GRM7: variants seen among roughly 807,000 people sequenced by gnomAD.
The protein encoded by GRM7 is glutamate metabotropic receptor 7.
GRM7 carries 35 observed loss-of-function variants against 84.5 expected under a neutral mutation model. That is an observed-to-expected ratio of 0.41 (90% confidence interval 0.32 to 0.55). GRM7 has a LOEUF of 0.55. GRM7 is among the 20% of genes least tolerant of loss of function. The probability of loss-of-function intolerance (pLI) is 0.19; values close to 1 mark genes in which losing one functional copy is unlikely to be tolerated. For missense variants in GRM7, 1,003 were observed against 1,194.6 expected (o/e 0.84, Z 2.36); for synonymous variants, 487 against 455.1 (o/e 1.07, Z -0.89).
At chr3:6,964,483 C>G (rs193285635) in intron 1 of GRM7, among the ~76,000 whole-genome samples, 1 of 152,250 alleles carries the variant, frequency 6.6e-6, no homozygotes, top group East Asian at 1.9e-4. Flanking sequence ...TTCTTGCCCC[C>G]CATGGTGACT....
intron 9 of GRM7, among the ~76,000 whole-genome samples, chr3:7,701,702 T>G (rs1701236072): frequency 6.6e-6 from 1 of 152,100 alleles, no homozygotes; most frequent in South Asian, 2.1e-4. Flanking sequence ...AAACTCCCTG[T>G]GGATGGTCAG....
At chr3:7,539,295 C>T (rs568922347) in intron 7 of GRM7, among the ~76,000 whole-genome samples, 15 of 152,222 alleles carry the variant, frequency 9.9e-5, no homozygotes, top group African/African-American at 3.4e-4. Context: ...GAACAGCGTG[C>T]GTAATTCCAT....
At chr3:7,566,898 G>C (rs140138365) in intron 7 of GRM7, among the ~76,000 whole-genome samples, 27 of 152,222 alleles carry the variant, frequency 1.8e-4, no homozygotes, top group Non-Finnish European at 3.8e-4. Flanking sequence ...TTACTTTTGT[G>C]GCCAACTATT....
intron 1 of GRM7, among the ~76,000 whole-genome samples, chr3:6,951,454 T>A (rs1295192303): frequency 1.3e-5 from 2 of 152,200 alleles, no homozygotes; most frequent in Non-Finnish European, 2.9e-5. Flanking sequence ...ACTACTTTAG[T>A]GGTATTCTAC....
intron 8 of GRM7, among the ~76,000 whole-genome samples, chr3:7,591,891 T>C (rs1379422314): frequency 6.6e-6 from 1 of 152,164 alleles, no homozygotes; most frequent in Non-Finnish European, 1.5e-5. Context: ...AGAAAGTTGC[T>C]TATCAGGACC....
intron 7 of GRM7, among the ~76,000 whole-genome samples, chr3:7,521,037 T>C (rs1034578587): frequency 2.0e-5 from 3 of 152,222 alleles, no homozygotes; most frequent in Non-Finnish European, 2.9e-5. Flanking sequence ...CCAGGTTTTA[T>C]TGTTCCTAAT....
At chr3:6,978,408 T>G (rs1467824170) in intron 1 of GRM7, among the ~76,000 whole-genome samples, 1 of 152,092 alleles carries the variant, frequency 6.6e-6, no homozygotes, top group Non-Finnish European at 1.5e-5. Flanking sequence ...GTCACTTAGT[T>G]TGTGGTAATT....
Position 7,352,055 on chromosome 3 carries a change from CACCACACACACA to C in GRM7, c.1033+45404_1033+45415del, listed in dbSNP as rs1363430109. 5.8e-4 allele frequency among the ~76,000 whole-genome samples: 58 copies of C among 99,964 alleles called. 1 individual carries two copies. The highest frequency in any genetic ancestry group is 2.3e-3 in the African/African-American group (55 of 24,368). 65.6% of individuals were successfully genotyped at this position (99,964 alleles called of 152,430 possible). On this transcript the variant is annotated intron_variant, in intron 4 of 9. Transcript: ENST00000357716. ...TCTCTCTCTCTCACACACACACACA[CACCACACACACA>C]CACACACACACACACACACACACAC...
At chr3:7,042,669 A>AT (rs56953053) in intron 1 of GRM7, among the ~76,000 whole-genome samples, 38,290 of 151,938 alleles carry the variant, frequency 0.25, 5,225 homozygotes, top group African/African-American at 0.34. Flanking sequence ...TCTAAAAGTT[A>AT]TATTTTCATC....
intron 1 of GRM7, among the ~76,000 whole-genome samples, chr3:6,906,802 T>C (rs1004338117): frequency 2.0e-5 from 3 of 152,122 alleles, no homozygotes; most frequent in Middle Eastern, 3.4e-3. Context: ...ATCTCCAGGG[T>C]TGAAAAAAAA....
rs1699322778 is a variant in GRM7 at position 7,486,391 on chromosome 3, CTGT to C, written c.1515+24672_1515+24674del. The stretch of plus-strand genomic sequence containing the variant: ...TCAGCAAAACTGAGGACAAGTTTTG[CTGT>C]TGAGGCTTGGTCTCCAATGTGGCAG... On this transcript the variant is annotated intron_variant, in intron 7 of 9. Coordinates refer to ENST00000357716, the MANE Select transcript of GRM7 (RefSeq NM_000844.4). This position sits in a 1 kb window ranked among gnomAD's most constrained non-coding sequence, Gnocchi z 5.5. Among the ~76,000 whole-genome samples the C allele has an allele frequency of 6.6e-6, 1 of 152,114 alleles. No homozygotes were observed. The highest frequency in any genetic ancestry group is 2.4e-5 in the African/African-American group (1 of 41,416).
chr3:7,178,738 T>C (rs531160086), intron 2 of GRM7, among the ~76,000 whole-genome samples: 26 of 152,200 alleles, frequency 1.7e-4, no homozygotes, highest in African/African-American at 6.3e-4. Flanking sequence ...TCAGTAGTGA[T>C]AAACCAGATA....
chr3:7,490,327 T>C (rs992884355), intron 7 of GRM7, among the ~76,000 whole-genome samples: 2 of 152,140 alleles, frequency 1.3e-5, no homozygotes, highest in African/African-American at 4.8e-5. Flanking sequence ...AAATATGAGC[T>C]ACACACAAGA....
chr3:7,222,701 G>A (rs1478704263), intron 2 of GRM7, among the ~76,000 whole-genome samples: 1 of 152,158 alleles, frequency 6.6e-6, no homozygotes, highest in Non-Finnish European at 1.5e-5. Flanking sequence ...GTGATGGTTT[G>A]TGGCAGCAAG....
At chr3:7,256,248 A>G (rs1698194743) in intron 2 of GRM7, among the ~76,000 whole-genome samples, 1 of 152,222 alleles carries the variant, frequency 6.6e-6, no homozygotes, top group South Asian at 2.1e-4. Context: ...ATAAGTTTAT[A>G]GTTTCCCCTA....
At chr3:7,488,586 C>T (rs952116842) in intron 7 of GRM7, among the ~76,000 whole-genome samples, 19 of 152,250 alleles carry the variant, frequency 1.2e-4, no homozygotes, top group Middle Eastern at 3.4e-3. Context: ...CTTCATCTTC[C>T]GCTTCTCCAT....
chr3:6,893,342 A>C (rs1696044173), intron 1 of GRM7, among the ~76,000 whole-genome samples: 1 of 152,188 alleles, frequency 6.6e-6, no homozygotes, highest in African/African-American at 2.4e-5. Context: ...ATATTAATAT[A>C]AAGTAAATTA....
In GRM7 at chr3:7,343,710, A is replaced by T. The variant is rs574680434; in HGVS notation, c.1033+37058A>T. 3.3e-5 allele frequency among the ~76,000 whole-genome samples: 5 copies of T among 152,280 alleles called. No homozygotes were observed. The East Asian group carries it at 9.7e-4, about 29-fold the overall frequency. On this transcript the variant is annotated intron_variant, in intron 4 of 9. Transcript: ENST00000357716. Reference sequence around the variant, plus strand: ...AACACAATGCTTCTTTTTTAGAAATACTGAGAAAGCTTTGAATTAATTGTG... The same window carrying T: ...AACACAATGCTTCTTTTTTAGAAATTCTGAGAAAGCTTTGAATTAATTGTG...
chr3:7,173,371 G>T (rs534332353), intron 2 of GRM7, among the ~76,000 whole-genome samples: 1 of 152,082 alleles, frequency 6.6e-6, no homozygotes, highest in Non-Finnish European at 1.5e-5. Flanking sequence ...CTTACCAACT[G>T]CTCTCCCCAC....
Sources: allele counts gnomAD v4.1 joint callset (sites outside exome capture counted in the v4.1 genomes callset), GRCh38; gene constraint gnomAD v4.1.1; non-coding constraint Gnocchi (gnomAD v3.1); transcripts MANE v1.5; gene names NCBI Gene and HGNC (gene_info 2026-07-23, HGNC 2026-07-21).